Variants in ASB14 observed in about 807,000 individuals in gnomAD.
ASB14 encodes ankyrin repeat and SOCS box containing 14.
ASB14 carries 63 observed loss-of-function variants against 55.6 expected under a neutral mutation model. That is an observed-to-expected ratio of 1.13 (90% CI 0.92 to 1.40). The LOEUF is 1.40. ASB14 is among the 40% of genes most tolerant of loss of function. The pLI is 0.00. For synonymous variants in ASB14, 256 were observed against 259.9 expected (o/e 0.98, Z 0.15); for missense variants, 724 against 710.4 (o/e 1.02, Z -0.22).
At chr3:57,280,535 C>T (rs1675846191) in intron 6 of ASB14, 62 bp from the exon 7 acceptor site, 1 of 1,440,078 alleles carries the variant, frequency 6.9e-7, no homozygotes, top group Non-Finnish European at 9.4e-7. Context: ...CTTGAGCAAT[C>T]TTAAAAATAT....
At chr3:57,283,085 A>C in intron 6 of ASB14, 109 bp downstream of exon 6, 1 of 1,384,466 alleles carries the variant, frequency 7.2e-7, no homozygotes, top group African/African-American at 1.5e-5. Flanking sequence ...TCAAACATTT[A>C]TATTAGGCTT....
In ASB14 at chr3:57,288,065, A is replaced by G. The variant is rs1156538058; in HGVS notation, c.311-6T>C. 3.3e-6 allele frequency: 5 copies of G among 1,536,976 alleles called. No individual in the cohort carries two copies. Among genetic ancestry groups the G allele is most frequent in the Non-Finnish European group, 4.4e-6 (5 of 1,146,764 alleles). ...CCACAGACTGGGGTCTGAAGCTGAA[A>G]TAAATTCATCATACCACACAAATTA... is the stretch of plus-strand genomic sequence containing the variant. On this transcript the variant is annotated splice_region_variant and splice_polypyrimidine_tract_variant and intron_variant, in intron 4 of 10. Coordinates refer to ENST00000487349, the MANE Select transcript of ASB14 (RefSeq NM_001142733.3).
Position 57,283,277 on chromosome 3 carries a change from G to A in ASB14, c.632C>T (p.Pro211Leu). The A allele has an allele frequency of 6.4e-7, 1 of 1,551,916 alleles. No individual in the cohort carries two copies. Among genetic ancestry groups the A allele is most frequent in the Non-Finnish European group, 8.7e-7 (1 of 1,147,042 alleles). Reference sequence around the variant, plus strand: ...AGGAGTGAATCCATACGTGCTCTGTGGGTCAGGGTGTGCCCCAGAAACCAG... The same window carrying A: ...AGGAGTGAATCCATACGTGCTCTGTAGGTCAGGGTGTGCCCCAGAAACCAG... Reference protein sequence around the residue: ...LMLVSGAHPDPQSTYGFTPLA... With the variant: ...LMLVSGAHPDLQSTYGFTPLA... Residue 211 changes from proline to leucine, a missense_variant, in exon 6 of 11, where the codon CCA becomes CTA. By Grantham distance (98) the Pro-to-Leu change is moderately conservative. Transcript: ENST00000487349.
In ASB14 at chr3:57,280,338, A is replaced by C; in HGVS notation, c.851T>G (p.Leu284Arg). The C allele has an allele frequency of 6.4e-7, 1 of 1,550,992 alleles. No homozygotes were observed. The change falls in exon 7 of 11, where the codon CTG becomes CGG. Residue 284 changes from leucine to arginine, a missense_variant. Leu to Arg is a moderately radical substitution (Grantham distance 102). Coordinates refer to ENST00000487349, the MANE Select transcript of ASB14 (RefSeq NM_001142733.3). ...DANIPKNSGH[L>R]PIHVAADRGH... ...CCTGTCAGCTGCCACATGGATGGGC[A>C]GGTGGCCTGAATTCTTAGGGATGTT...
rs10662232 is a variant in ASB14 at position 57,269,450 on chromosome 3, A to AGAATT, written c.*190_*191insAATTC. ...AGTATGCATACATATTTATGACAGA[A>AGAATT]GAAGTGGCTCTCAAGAATGTATCTT... is the stretch of plus-strand genomic sequence containing the variant. On this transcript the variant is annotated 3_prime_UTR_variant, in exon 11 of 11. Coordinates refer to ENST00000487349, the MANE Select transcript of ASB14 (RefSeq NM_001142733.3). 256,450 of 1,344,606 alleles carry AGAATT rather than the reference A, an allele frequency of 0.19. 31,841 individuals are homozygous for AGAATT. Among genetic ancestry groups the AGAATT allele is most frequent in the African/African-American group, 0.58 (38,955 of 67,660 alleles). The allele number at this position is 1,344,606 out of a possible 1,614,324, so 83.3% of individuals were successfully genotyped here.
intron 8 of ASB14, 91 bp downstream of exon 8, chr3:57,278,286 C>T (rs2061007169): frequency 9.9e-7 from 1 of 1,006,504 alleles, no homozygotes; most frequent in Non-Finnish European, 1.5e-6. Context: ...AACCAAGCCT[C>T]TGGAGAGAGT....
At chr3:57,279,733 C>T (rs2061023613) in intron 7 of ASB14, among the ~76,000 whole-genome samples, 1 of 151,978 alleles carries the variant, frequency 6.6e-6, no homozygotes, top group Admixed American at 6.6e-5. Context: ...AAGAAGCACA[C>T]CTTCTTGGAA....
intron 10 of ASB14, among the ~76,000 whole-genome samples, 165 bp downstream of exon 10, chr3:57,276,363 G>A (rs1361764662): frequency 6.6e-6 from 1 of 151,788 alleles, no homozygotes; most frequent in Non-Finnish European, 1.5e-5. Flanking sequence ...ACAGCTCACT[G>A]CAGCCTTGAC....
At position 57,282,550 on chromosome 3, in the gene ASB14, G is replaced by A. The variant is rs536612099; in HGVS notation, c.715+644C>T. Among the ~76,000 whole-genome samples, 4 of 152,186 alleles carry A rather than the reference G, an allele frequency of 2.6e-5. No homozygotes were observed. The South Asian group carries it at 8.3e-4, about 32-fold the overall frequency. Reference sequence around the variant, plus strand: ...CTACAGAGCTGGGGATAGGGGAGGGGGCATGTTTGAAGGGAAGTCCTGCAG... The same window carrying A: ...CTACAGAGCTGGGGATAGGGGAGGGAGCATGTTTGAAGGGAAGTCCTGCAG... On this transcript the variant is annotated intron_variant, in intron 6 of 10. Coordinates refer to ENST00000487349, the MANE Select transcript of ASB14 (RefSeq NM_001142733.3).
intron 2 of ASB14, among the ~76,000 whole-genome samples, chr3:57,289,805 G>A (rs1057369666): frequency 8.8e-5 from 13 of 147,246 alleles, no homozygotes; most frequent in South Asian, 2.2e-4. Context: ...CCACCATCAC[G>A]GCCGGCTAAT....
intron 10 of ASB14, chr3:57,271,410 A>G (rs532410704): frequency 1.5e-4 from 23 of 152,788 alleles, no homozygotes; most frequent in Non-Finnish European, 3.2e-4. Context: ...TGTGCTTACC[A>G]AAAGGAATGC....
rs1352001334 is a variant in ASB14 at position 57,278,527 on chromosome 3, C to T, written c.1281G>A (p.Leu427=). Residue 427 remains leucine, a synonymous_variant, in exon 8 of 11, where the codon CTG becomes CTA. Coordinates refer to ENST00000487349, the MANE Select transcript of ASB14 (RefSeq NM_001142733.3). ...RVNPLHFPSA[L]QYTLKDEVML... is the part of the protein sequence containing the mutation. ...TGACTTCATCTTTCAGAGTGTATTGCAGTGCTGATGGGAAATGTAAAGGGT... is the reference window on the plus strand; with the variant it reads ...TGACTTCATCTTTCAGAGTGTATTGTAGTGCTGATGGGAAATGTAAAGGGT... 1 of 1,614,186 alleles carries T rather than the reference C, an allele frequency of 6.2e-7. No individual in the cohort carries two copies. The highest frequency in any genetic ancestry group is 1.1e-5 in the South Asian group (1 of 91,080).
intron 7 of ASB14, among the ~76,000 whole-genome samples, chr3:57,279,264 C>CTTTTTCTTTTTTTTTTTTTTT: frequency 1.1e-5 from 1 of 88,080 alleles, no homozygotes; most frequent in African/African-American, 4.4e-5. Flanking sequence ...AAGAGTTTTT[C>CTTTTTCTTTTTTTTTTTTTTT]TTTTTTTTTT....
At position 57,278,763 on chromosome 3, in the gene ASB14, T is replaced by G. The variant is rs771524188; in HGVS notation, c.1045A>C (p.Asn349His). 2 of 1,613,616 alleles carry G rather than the reference T, an allele frequency of 1.2e-6. No individual in the cohort carries two copies. The highest frequency in any genetic ancestry group is 1.7e-6 in the Non-Finnish European group (2 of 1,179,752). The change falls in exon 8 of 11, where the codon AAC (asparagine) becomes CAC (histidine). Residue 349 changes from asparagine to histidine, a missense_variant. Physicochemically the swap from Asn to His is moderately conservative, Grantham distance 68. Transcript: ENST00000487349. ...DVNFMLDQRI[N>H]KHYDDHRKSA... is the part of the protein sequence containing the mutation. Reference sequence around the variant, plus strand: ...TTCCTGTGGTCATCGTAGTGTTTGTTAATTCTCTGATCCAGCATGAAGTTC... The same window carrying G: ...TTCCTGTGGTCATCGTAGTGTTTGTGAATTCTCTGATCCAGCATGAAGTTC...
At chr3:57,279,725 G>C (rs2061023567) in intron 7 of ASB14, among the ~76,000 whole-genome samples, 1 of 152,008 alleles carries the variant, frequency 6.6e-6, no homozygotes, top group South Asian at 2.1e-4. Flanking sequence ...ATTATAGAAA[G>C]AAGCACACCT....
intron 2 of ASB14, 119 bp downstream of exon 2, chr3:57,291,793 G>C: frequency 2.5e-6 from 2 of 797,752 alleles, no homozygotes; most frequent in Non-Finnish European, 3.7e-6. Flanking sequence ...ATATTTAATT[G>C]ACAGCTCCTT....
rs754216079 is a variant in ASB14 at position 57,269,546 on chromosome 3, G to T, written c.*95C>A. The T allele has an allele frequency of 1.9e-6, 3 of 1,613,296 alleles. No homozygotes were observed. The highest frequency in any genetic ancestry group is 2.5e-6 in the Non-Finnish European group (3 of 1,179,772). On this transcript the variant is annotated 3_prime_UTR_variant, in exon 11 of 11. Coordinates refer to ENST00000487349, the MANE Select transcript of ASB14 (RefSeq NM_001142733.3). The stretch of plus-strand genomic sequence containing the variant: ...TTTTTTGTCTTTTCCACTAGGACTT[G>T]GAAGAACAAAGTCGGTTGATAGCTG...
intron 5 of ASB14, among the ~76,000 whole-genome samples, chr3:57,286,329 A>C (rs995149800): frequency 6.6e-6 from 1 of 151,796 alleles, no homozygotes; most frequent in African/African-American, 2.4e-5. Context: ...GAGGCTATGT[A>C]AGTAGAAAAG....
Position 57,268,360 on chromosome 3 carries a change from C to A in ASB14, c.*1281G>T. The A allele has an allele frequency of 6.8e-7, 1 of 1,477,316 alleles. No individual in the cohort carries two copies. Among genetic ancestry groups the A allele is most frequent in the South Asian group, 1.3e-5 (1 of 79,214 alleles). 91.5% of individuals were successfully genotyped at this position (1,477,316 alleles called of 1,614,324 possible). ...AAATGTCTAAAATTTAAAGTTATTT[C>A]ATATTTAATTCATTAGTTTTATTCA... On this transcript the variant is annotated 3_prime_UTR_variant, in exon 11 of 11. Transcript: ENST00000487349.
Sources: allele counts gnomAD v4.1 joint callset (sites outside exome capture counted in the v4.1 genomes callset), GRCh38; gene constraint gnomAD v4.1.1; transcripts MANE v1.5; gene names NCBI Gene and HGNC (gene_info 2026-07-23, HGNC 2026-07-21).